The following ASIC2 variants were observed in gnomAD, a reference collection of about 807,000 sequenced individuals.
The protein encoded by ASIC2 is acid sensing ion channel subunit 2, also known as acid-sensing ion channel 2.
ASIC2 carries 25 observed loss-of-function variants against 57.3 expected under a neutral mutation model. The ratio of observed to expected loss-of-function variants is 0.44; its 90% CI spans 0.32 to 0.61. ASIC2 has a LOEUF of 0.61. Ranked by LOEUF, ASIC2 falls within the 20% of genes least tolerant of loss-of-function variation. The probability of loss-of-function intolerance (pLI) is 0.06; values close to 1 mark genes in which losing one functional copy is unlikely to be tolerated. For missense variants in ASIC2, 641 were observed against 738.1 expected (o/e 0.87, Z 1.52); for synonymous variants, 319 against 307.5 (o/e 1.04, Z -0.39).
intron 1 of ASIC2, among the ~76,000 whole-genome samples, chr17:33,352,485 T>G (rs1305378523): frequency 6.6e-6 from 1 of 152,186 alleles, no homozygotes; most frequent in Non-Finnish European, 1.5e-5. Flanking sequence ...TCTCCCTGCT[T>G]TTGTAAAATG....
chr17:33,738,308 A>G (rs1039925254), intron 1 of ASIC2, among the ~76,000 whole-genome samples: 1 of 152,218 alleles, frequency 6.6e-6, no homozygotes, highest in Non-Finnish European at 1.5e-5. Flanking sequence ...GACTTGAATC[A>G]TTAGACAACT....
chr17:33,999,718 TTAA>T (rs1189092090), intron 1 of ASIC2, among the ~76,000 whole-genome samples: 2 of 152,192 alleles, frequency 1.3e-5, no homozygotes, highest in Non-Finnish European at 2.9e-5. Context: ...TGTATATCCA[TTAA>T]TAAATTGTTG....
At chr17:34,039,891 CGCT>C (rs1482394934) in intron 1 of ASIC2, 2 of 1,573,000 alleles carry the variant, frequency 1.3e-6, no homozygotes, top group African/African-American at 1.4e-5. Flanking sequence ...CCGCCGCCGC[CGCT>C]GCCGCTCCAC....
intron 1 of ASIC2, among the ~76,000 whole-genome samples, chr17:33,479,101 C>T (rs1020005822): frequency 4.6e-5 from 7 of 152,036 alleles, no homozygotes; most frequent in East Asian, 1.9e-4. Context: ...CGGGTTCAAG[C>T]GATTCTCCTG....
chr17:34,125,619 A>C (rs557828154), intron 1 of ASIC2, among the ~76,000 whole-genome samples: 1 of 152,190 alleles, frequency 6.6e-6, no homozygotes, highest in East Asian at 1.9e-4. Flanking sequence ...GGGCTGGAGC[A>C]CTTCAGATCC....
intron 1 of ASIC2, among the ~76,000 whole-genome samples, chr17:33,230,825 C>T (rs367666643): frequency 7.2e-5 from 11 of 152,218 alleles, no homozygotes; most frequent in African/African-American, 2.6e-4. Context: ...AAGGTTAATG[C>T]TGGGCTGGGG....
intron 1 of ASIC2, among the ~76,000 whole-genome samples, chr17:33,159,712 T>C (rs538104389): frequency 8.5e-5 from 13 of 152,190 alleles, no homozygotes; most frequent in Non-Finnish European, 1.6e-4. Flanking sequence ...TGGTTTGAAG[T>C]AGATTTATGT....
chr17:33,428,596 G>A (rs753753929), intron 1 of ASIC2, among the ~76,000 whole-genome samples: 1 of 152,128 alleles, frequency 6.6e-6, no homozygotes, highest in Non-Finnish European at 1.5e-5. Context: ...CACAGGGAAG[G>A]AAATCAAGTG....
At chr17:34,064,905 CAGGG>C (rs1053542927) in intron 1 of ASIC2, among the ~76,000 whole-genome samples, 4 of 152,100 alleles carry the variant, frequency 2.6e-5, no homozygotes, top group Non-Finnish European at 5.9e-5. Flanking sequence ...ATGCAGTGAA[CAGGG>C]AACACTTCCA....
At chr17:33,269,144 C>A (rs1033057016) in intron 1 of ASIC2, among the ~76,000 whole-genome samples, 2 of 152,260 alleles carry the variant, frequency 1.3e-5, no homozygotes, top group Non-Finnish European at 1.5e-5. Context: ...CCTGGGGCCC[C>A]ATATTACCCC....
chr17:33,482,183 G>T (rs931886110), intron 1 of ASIC2, among the ~76,000 whole-genome samples: 9 of 152,192 alleles, frequency 5.9e-5, no homozygotes, highest in African/African-American at 1.9e-4. Context: ...GTCCATGGAT[G>T]ATGTCCAGAT....
chr17:33,232,406 A>AATGGTATGGT (rs1160468658), intron 1 of ASIC2, among the ~76,000 whole-genome samples: 34 of 136,140 alleles, frequency 2.5e-4, no homozygotes, highest in African/African-American at 7.6e-4. Flanking sequence ...TATGGTATGG[A>AATGGTATGGT]ATGGTATGGT....
At chr17:33,996,538 A>C (rs541663305) in intron 1 of ASIC2, among the ~76,000 whole-genome samples, 1 of 152,302 alleles carries the variant, frequency 6.6e-6, no homozygotes, top group African/African-American at 2.4e-5. Flanking sequence ...ACATAGTATG[A>C]GATAAGGGTC....
intron 1 of ASIC2, among the ~76,000 whole-genome samples, chr17:33,803,349 G>T (rs527743537): frequency 6.6e-6 from 1 of 151,984 alleles, no homozygotes; most frequent in East Asian, 1.9e-4. Context: ...GTATATGTGT[G>T]GGTGGGTGGG....
chr17:33,636,581 T>C (rs1906374283), intron 1 of ASIC2, among the ~76,000 whole-genome samples: 1 of 152,228 alleles, frequency 6.6e-6, no homozygotes. Context: ...CCCTGATTTC[T>C]TTCTAAGAGT....
At chr17:33,611,277 G>A (rs1905401178) in intron 1 of ASIC2, among the ~76,000 whole-genome samples, 1 of 152,054 alleles carries the variant, frequency 6.6e-6, no homozygotes, top group Non-Finnish European at 1.5e-5. Flanking sequence ...AAAAGTACTG[G>A]TTTTGGCTCC....
intron 1 of ASIC2, among the ~76,000 whole-genome samples, chr17:34,104,758 A>G (rs1910984337): frequency 6.6e-6 from 1 of 152,078 alleles, no homozygotes; most frequent in East Asian, 1.9e-4. Flanking sequence ...AATTAACCAG[A>G]TTACATTGAT....
At chr17:33,943,595 C>G (rs1360655971) in intron 1 of ASIC2, among the ~76,000 whole-genome samples, 1 of 151,150 alleles carries the variant, frequency 6.6e-6, no homozygotes, top group Admixed American at 6.6e-5. Context: ...CTCCTGACAC[C>G]AAATCCTGCA....
At chr17:33,161,322 C>T (rs1423106722) in intron 1 of ASIC2, among the ~76,000 whole-genome samples, 1 of 152,198 alleles carries the variant, frequency 6.6e-6, no homozygotes, top group African/African-American at 2.4e-5. Flanking sequence ...CTTTTCCTCT[C>T]AAACCTAATT....
Sources: gnomAD v4.1 joint callset for allele counts (sites outside exome capture counted in the v4.1 genomes callset) on GRCh38, gnomAD v4.1.1 for gene constraint, MANE v1.5 for transcripts, NCBI Gene and HGNC (gene_info 2026-07-23, HGNC 2026-07-21) for gene names.